The following COG3 variants were observed in gnomAD, a reference collection of about 807,000 sequenced individuals.
COG3 encodes the protein component of oligomeric golgi complex 3.
COG3 carries 32 observed loss-of-function variants against 114.1 expected under a neutral mutation model. That is an observed-to-expected ratio of 0.28 (90% CI 0.21 to 0.38). COG3 has a LOEUF of 0.38. COG3 is among the 10% of genes least tolerant of loss of function. COG3 has a pLI of 1.00. For missense variants in COG3, 813 were observed against 973.2 expected, an observed-to-expected ratio of 0.84 and a Z score of 2.19; for synonymous variants, 352 against 365.7, an observed-to-expected ratio of 0.96 and a Z score of 0.43.
intron 1 of COG3, among the ~76,000 whole-genome samples, chr13:45,474,338 GT>G (rs974440065): frequency 2.6e-5 from 4 of 151,206 alleles, no homozygotes; most frequent in Non-Finnish European, 5.9e-5. Flanking sequence ...TTTTTTGTGT[GT>G]TTTTAGTTGA....
chr13:45,483,848 C>T (rs1435911545), intron 7 of COG3, among the ~76,000 whole-genome samples: 3 of 152,064 alleles, frequency 2.0e-5, no homozygotes. Flanking sequence ...TTATTGAGCA[C>T]TGCCTAATGC....
At chr13:45,508,611 T>A (rs1197226770) in intron 14 of COG3, among the ~76,000 whole-genome samples, 2 of 152,168 alleles carry the variant, frequency 1.3e-5, no homozygotes. Flanking sequence ...GCACTAAAAA[T>A]TTAATGAGTT....
At position 45,476,194 on chromosome 13, in the gene COG3, T is replaced by C; in HGVS notation, c.175-7T>C. 6.2e-7 allele frequency: 1 copy of C among 1,613,584 alleles called. No individual in the cohort carries two copies. Among genetic ancestry groups the C allele is most frequent in the South Asian group, 1.1e-5 (1 of 90,994 alleles). On this transcript the variant is annotated splice_polypyrimidine_tract_variant and splice_region_variant and intron_variant, in intron 1 of 22. Coordinates refer to ENST00000349995, the MANE Select transcript of COG3 (RefSeq NM_031431.4). ...CTTAAATATCTTTGTGACTCTCTTTTTTCAAGCTTCCAATTGAAGACTTGT... is the reference window on the plus strand; with the variant it reads ...CTTAAATATCTTTGTGACTCTCTTTCTTCAAGCTTCCAATTGAAGACTTGT...
At chr13:45,529,465 C>CTT (rs11286727) in intron 20 of COG3, among the ~76,000 whole-genome samples, 1 of 146,638 alleles carries the variant, frequency 6.8e-6, no homozygotes, top group African/African-American at 2.5e-5. Flanking sequence ...CTGAAAATGA[C>CTT]TTTTTTTTTT....
rs766625565 is a variant in COG3 at position 45,476,253 on chromosome 13, T to TGAC, written c.228_230dup (p.Thr77dup). On this transcript the variant is annotated inframe_insertion, in exon 2 of 23. Coordinates refer to ENST00000349995, the MANE Select transcript of COG3 (RefSeq NM_031431.4). Reference sequence around the variant, plus strand: ...ACATCCCAGTCACTGCCCATTGAACTGACTTCAGTAGTGCCTGAATCTACA... The same window carrying TGAC: ...ACATCCCAGTCACTGCCCATTGAACTGACGACTTCAGTAGTGCCTGAATCTACA... The TGAC allele has an allele frequency of 6.2e-7, 1 of 1,614,036 alleles. No homozygotes were observed.
At chr13:45,490,378 G>A (rs1417541376) in intron 8 of COG3, among the ~76,000 whole-genome samples, 2 of 152,062 alleles carry the variant, frequency 1.3e-5, no homozygotes, top group Non-Finnish European at 2.9e-5. Context: ...AGCTTGCCTG[G>A]GCTCAAACAG....
intron 8 of COG3, among the ~76,000 whole-genome samples, chr13:45,490,392 C>A (rs1886945921): frequency 6.6e-6 from 1 of 152,160 alleles, no homozygotes; most frequent in Non-Finnish European, 1.5e-5. Flanking sequence ...CAAACAGCTA[C>A]TAAGGAGCGG....
chr13:45,534,371 A>G (rs1481371929), intron 22 of COG3, among the ~76,000 whole-genome samples: 1 of 152,208 alleles, frequency 6.6e-6, no homozygotes, highest in East Asian at 1.9e-4. Flanking sequence ...TCCCAATGCC[A>G]GTGCCCAGTG....
chr13:45,467,843 A>G (rs769602352), intron 1 of COG3, among the ~76,000 whole-genome samples: 3 of 152,186 alleles, frequency 2.0e-5, no homozygotes, highest in Non-Finnish European at 4.4e-5. Flanking sequence ...GTGTTTCACA[A>G]TTTTCACGAG....
In COG3 at chr13:45,492,148, G is replaced by C; in HGVS notation, c.1096-11G>C. On this transcript the variant is annotated splice_polypyrimidine_tract_variant and intron_variant, in intron 10 of 22. Transcript: ENST00000349995. ...CTTTAACTGTAGGTGGTGTGTGTTTGTTTACTGCAGGTTCGTAGTGGCTGT... is the reference window on the plus strand; with the variant it reads ...CTTTAACTGTAGGTGGTGTGTGTTTCTTTACTGCAGGTTCGTAGTGGCTGT... 1 of 1,563,490 alleles carries C rather than the reference G, an allele frequency of 6.4e-7. No homozygotes were observed. The highest frequency in any genetic ancestry group is 1.1e-5 in the South Asian group (1 of 87,886).
rs1873547386 is a variant in COG3 at position 45,536,358 on chromosome 13, C to G, written c.*1627C>G. On this transcript the variant is annotated 3_prime_UTR_variant, in exon 23 of 23. Coordinates refer to ENST00000349995, the MANE Select transcript of COG3 (RefSeq NM_031431.4). The stretch of plus-strand genomic sequence containing the variant: ...TTTGATTTACAGAGCGGAGTGTGTT[C>G]TTATAAAAATATTTAATGACATTGG... The G allele has an allele frequency of 6.6e-6, 1 of 152,042 alleles. No homozygotes were observed. The highest frequency in any genetic ancestry group is 1.5e-5 in the Non-Finnish European group (1 of 67,996). The allele number at this position is 152,042 out of a possible 1,614,324, so 9.4% of individuals were successfully genotyped here. A position where few individuals can be genotyped will look rare whatever the true frequency, so the allele number is the denominator to read the frequency against.
intron 11 of COG3, 121 bp downstream of exon 11, chr13:45,492,371 C>A: frequency 1.8e-6 from 1 of 555,246 alleles, no homozygotes; most frequent in Non-Finnish European, 3.2e-6. Context: ...TTGTTTGTGT[C>A]TGTGAACAGA....
intron 1 of COG3, among the ~76,000 whole-genome samples, chr13:45,474,151 CTTTTTTTTTTTTTT>C (rs10558884): frequency 1.2e-5 from 1 of 81,984 alleles, no homozygotes; most frequent in African/African-American, 5.0e-5. Context: ...CTTTTTTACT[CTTTTTTTTTTTTTT>C]TTTTTTTTTT....
In COG3 at chr13:45,496,133, G is replaced by A. The variant is rs1868738337; in HGVS notation, c.1328-19G>A. The A allele has an allele frequency of 2.5e-6, 4 of 1,595,574 alleles. No homozygotes were observed. The highest frequency in any genetic ancestry group is 3.4e-6 in the Non-Finnish European group (4 of 1,169,358). On this transcript the variant is annotated intron_variant, in intron 12 of 22. Transcript: ENST00000349995. Reference sequence around the variant, plus strand: ...TTTTTCTAAATCTAAAAGAATGGATGATTGCACTTTTTTATCAGCTGAGCA... The same window carrying A: ...TTTTTCTAAATCTAAAAGAATGGATAATTGCACTTTTTTATCAGCTGAGCA...
chr13:45,528,132 T>G (rs1298832968), intron 20 of COG3, among the ~76,000 whole-genome samples: 2 of 152,094 alleles, frequency 1.3e-5, no homozygotes, highest in Non-Finnish European at 2.9e-5. Context: ...TAATATTGAT[T>G]CTTGCAAAAT....
At chr13:45,505,586 T>C (rs1870048243) in intron 14 of COG3, among the ~76,000 whole-genome samples, 1 of 152,082 alleles carries the variant, frequency 6.6e-6, no homozygotes. Context: ...ATTACAGGCG[T>C]GAGCCACTGC....
chr13:45,494,251 G>A (rs549540487), intron 12 of COG3, among the ~76,000 whole-genome samples: 1 of 151,814 alleles, frequency 6.6e-6, no homozygotes, highest in South Asian at 2.1e-4. Flanking sequence ...CTGGAACCTG[G>A]GAGGGGGAGG....
At chr13:45,466,118 A>G (rs1433221778) in intron 1 of COG3, among the ~76,000 whole-genome samples, 1 of 151,850 alleles carries the variant, frequency 6.6e-6, no homozygotes, top group Non-Finnish European at 1.5e-5. Flanking sequence ...GCTCACTGCA[A>G]CCTCCACCTC....
At chr13:45,490,466 A>G (rs1360073953) in intron 8 of COG3, among the ~76,000 whole-genome samples, 1 of 152,148 alleles carries the variant, frequency 6.6e-6, no homozygotes, top group Non-Finnish European at 1.5e-5. Context: ...TTCAGAAACA[A>G]CCTAGATATC....
Sources: allele counts gnomAD v4.1 joint callset (sites outside exome capture counted in the v4.1 genomes callset), GRCh38; gene constraint gnomAD v4.1.1; transcripts MANE v1.5; gene names NCBI Gene and HGNC (gene_info 2026-07-23, HGNC 2026-07-21).